The following KLRG2 variants were observed in gnomAD, a reference collection of about 807,000 sequenced individuals.
KLRG2 encodes the protein killer cell lectin-like receptor subfamily G member 2.
Under a neutral mutation model 35.4 loss-of-function variants are expected in KLRG2, and 39 were observed. The ratio of observed to expected loss-of-function variants is 1.10; its 90% CI spans 0.85 to 1.44. The LOEUF is 1.44. KLRG2 is among the 40% of genes most tolerant of loss of function. The pLI, the probability that KLRG2 is intolerant of heterozygous loss-of-function variation, is 0.00. For synonymous variants in KLRG2, 283 were observed against 265.8 expected, an observed-to-expected ratio of 1.06 and a Z score of -0.63; for missense variants, 632 against 570.9, an observed-to-expected ratio of 1.11 and a Z score of -1.09.
At chr7:139,438,530 T>TA in the KLRG2 span, among the ~76,000 whole-genome samples, 2 of 152,094 alleles carry the variant, frequency 1.3e-5, no homozygotes, top group East Asian at 3.9e-4. Context: ...AATGCAATTT[T>TA]AAATGAGATA....
At chr7:139,470,340 G>C (rs1287136978) in intron 3 of KLRG2, among the ~76,000 whole-genome samples, 1 of 152,156 alleles carries the variant, frequency 6.6e-6, no homozygotes, top group Non-Finnish European at 1.5e-5. Flanking sequence ...TTACAGGCAT[G>C]AGCCACTGCG....
the KLRG2 span, among the ~76,000 whole-genome samples, chr7:139,445,791 ATG>A: frequency 4.8e-4 from 57 of 119,936 alleles, no homozygotes; most frequent in African/African-American, 3.0e-3. Context: ...GTATATATAT[ATG>A]TGTGTATATA....
At chr7:139,459,274 C>T (rs1413053588) in intron 3 of KLRG2, among the ~76,000 whole-genome samples, 1 of 152,184 alleles carries the variant, frequency 6.6e-6, no homozygotes, top group Non-Finnish European at 1.5e-5. Context: ...GTTTTACTGG[C>T]TTCCTGTTGG....
At chr7:139,452,294 A>G (rs1796388325), downstream of KLRG2, among the ~76,000 whole-genome samples, 1 of 151,944 alleles carries the variant, frequency 6.6e-6, no homozygotes, top group African/African-American at 2.4e-5. Flanking sequence ...CCTTTTTGTT[A>G]TTACTTTCAG....
chr7:139,432,707 T>C, the KLRG2 span, among the ~76,000 whole-genome samples: 1 of 152,194 alleles, frequency 6.6e-6, no homozygotes, highest in Non-Finnish European at 1.5e-5. Context: ...GTGTGGCATT[T>C]GCACATAACC....
chr7:139,453,771 C>T, intron 4 of KLRG2, 64 bp from the exon 5 acceptor site: 2 of 1,594,012 alleles, frequency 1.3e-6, no homozygotes, highest in Non-Finnish European at 1.7e-6. Flanking sequence ...GCTTCCCAGC[C>T]AGACCCTCCA....
intron 1 of KLRG2, among the ~76,000 whole-genome samples, chr7:139,481,143 G>T (rs1796953004): frequency 6.6e-6 from 1 of 152,062 alleles, no homozygotes; most frequent in African/African-American, 2.4e-5. Context: ...ATAGAGAAGG[G>T]CTTGACCTAA....
intron 1 of KLRG2, 82 bp from the exon 2 acceptor site, chr7:139,480,329 C>A: frequency 1.3e-6 from 1 of 760,430 alleles, no homozygotes; most frequent in Non-Finnish European, 2.4e-6. Flanking sequence ...CACAGCACAC[C>A]AGCATCTCAC....
At chr7:139,463,925 C>T (rs912029711) in intron 3 of KLRG2, among the ~76,000 whole-genome samples, 20 of 152,174 alleles carry the variant, frequency 1.3e-4, no homozygotes, top group Non-Finnish European at 2.4e-4. Context: ...GCCTCCATAA[C>T]TGTTGTGGGT....
chr7:139,430,565 G>T, the KLRG2 span, among the ~76,000 whole-genome samples: 1 of 152,208 alleles, frequency 6.6e-6, no homozygotes, highest in Admixed American at 6.5e-5. Flanking sequence ...AAAACAGGCA[G>T]CTTCTTACAA....
chr7:139,430,351 G>A, the KLRG2 span, among the ~76,000 whole-genome samples: 33 of 151,814 alleles, frequency 2.2e-4, no homozygotes, highest in Non-Finnish European at 4.3e-4. Context: ...GTGGTGAGCC[G>A]AGATTGAGCC....
chr7:139,463,910 G>T (rs1360878153), intron 3 of KLRG2, among the ~76,000 whole-genome samples: 2 of 152,092 alleles, frequency 1.3e-5, no homozygotes, highest in African/African-American at 2.4e-5. Context: ...GGGCCTGTTT[G>T]TTATGCCTCC....
the KLRG2 span, among the ~76,000 whole-genome samples, chr7:139,433,882 C>T: frequency 3.3e-5 from 5 of 151,862 alleles, no homozygotes; most frequent in East Asian, 5.8e-4. Flanking sequence ...AGTGATCCCC[C>T]GCCTCGGCCT....
chr7:139,452,883 T>C lies in KLRG2; in HGVS notation c.*704A>G, dbSNP rs190023774. The C allele has an allele frequency of 8.9e-4, 136 of 152,648 alleles. No individual in the cohort carries two copies. The highest frequency in any genetic ancestry group is 1.7e-3 in the Non-Finnish European group (116 of 68,262). The allele number at this position is 152,648 out of a possible 1,614,324, so 9.5% of individuals were successfully genotyped here. On this transcript the variant is annotated 3_prime_UTR_variant, in exon 5 of 5. Coordinates refer to ENST00000340940, the MANE Select transcript of KLRG2 (RefSeq NM_198508.4). The stretch of plus-strand genomic sequence containing the variant: ...CACCTACCAAGCTGGGGTGCTCTCC[T>C]GGCTTCTCCTGCCAGGTGGCCCTGT...
the KLRG2 span, among the ~76,000 whole-genome samples, chr7:139,429,271 A>T: frequency 2.0e-5 from 3 of 152,140 alleles, no homozygotes; most frequent in Non-Finnish European, 2.9e-5. Flanking sequence ...TTGCCACTGC[A>T]CTCCAGCCTG....
the KLRG2 span, among the ~76,000 whole-genome samples, chr7:139,444,984 A>G: frequency 6.6e-6 from 1 of 152,134 alleles, no homozygotes; most frequent in Non-Finnish European, 1.5e-5. Flanking sequence ...AAGAGACGAG[A>G]TTCACCCAAA....
At chr7:139,480,013 T>C in intron 2 of KLRG2, 133 bp downstream of exon 2, 1 of 748,072 alleles carries the variant, frequency 1.3e-6, no homozygotes. Context: ...TTAACTTTGC[T>C]CATCAAGCAC....
rs151087395 is a variant in KLRG2, at chr7:139,455,612, C to T, written c.1006-1398G>A. 5.3e-3 allele frequency among the ~76,000 whole-genome samples: 802 copies of T among 150,216 alleles called. 11 individuals carry two copies. The highest frequency in any genetic ancestry group is 5.7e-3 in the South Asian group (27 of 4,696). ...CTGGGATTACAGGCGTGAGCCACCG[C>T]GCCCGGCCAAGATTTTTTAACTTGG... On this transcript the variant is annotated intron_variant, in intron 3 of 4. Coordinates refer to ENST00000340940, the MANE Select transcript of KLRG2 (RefSeq NM_198508.4).
chr7:139,433,466 C>T, the KLRG2 span, among the ~76,000 whole-genome samples: 1 of 152,154 alleles, frequency 6.6e-6, no homozygotes, highest in African/African-American at 2.4e-5. Context: ...GCTGGCATTA[C>T]AGGCATGTGC....
Sources: allele counts gnomAD v4.1 joint callset (sites outside exome capture counted in the v4.1 genomes callset), GRCh38; gene constraint gnomAD v4.1.1; transcripts MANE v1.5; gene names NCBI Gene and HGNC (gene_info 2026-07-23, HGNC 2026-07-21).